The following RELB variants were observed in gnomAD, a reference collection of about 807,000 sequenced individuals.
RELB encodes transcription factor RelB.
Under a neutral mutation model 55.4 loss-of-function variants are expected in RELB, and 14 were observed. The observed-to-expected ratio is 0.25, with a 90% CI of 0.17 to 0.40. RELB has a LOEUF of 0.40. Among genes scored for constraint, RELB ranks in the 10% least tolerant of loss-of-function variants. The probability of loss-of-function intolerance (pLI) is 1.00; values close to 1 mark genes in which losing one functional copy is unlikely to be tolerated. For missense variants in RELB, 669 were observed against 830.7 expected, an observed-to-expected ratio of 0.81 and a Z score of 2.39; for synonymous variants, 409 against 371.3, an observed-to-expected ratio of 1.10 and a Z score of -1.17.
chr19:45,031,611 T>C (rs1474194979), intron 8 of RELB, among the ~76,000 whole-genome samples: 1 of 152,142 alleles, frequency 6.6e-6, no homozygotes, highest in Non-Finnish European at 1.5e-5. Flanking sequence ...AGTCTTGCTC[T>C]GTCCCCCAGG....
chr19:45,017,464 C>CAAAAAAAAACAAAAAAAAAAAAAA (rs1971434079), intron 4 of RELB, among the ~76,000 whole-genome samples: 3 of 57,600 alleles, frequency 5.2e-5, no homozygotes, highest in African/African-American at 2.4e-4. Flanking sequence ...AAAAAAAAAA[C>CAAAAAAAAACAAAAAAAAAAAAAA]AATTCTGGAA....
intron 7 of RELB, among the ~76,000 whole-genome samples, 189 bp downstream of exon 7, chr19:45,025,926 C>G (rs1177149233): frequency 6.6e-6 from 1 of 151,720 alleles, no homozygotes. Flanking sequence ...TGGCAAAACC[C>G]TGTCTCTATA....
At chr19:45,006,008 C>A (rs1378775875) in intron 2 of RELB, among the ~76,000 whole-genome samples, 1 of 152,230 alleles carries the variant, frequency 6.6e-6, no homozygotes, top group African/African-American at 2.4e-5. Flanking sequence ...CTGTTCTGTA[C>A]CTGGCCTTGT....
chr19:45,022,006 G>T (rs771911144), intron 4 of RELB, 47 bp from the exon 5 acceptor site: 8 of 1,552,440 alleles, frequency 5.2e-6, no homozygotes, highest in South Asian at 3.6e-5. Flanking sequence ...TTGGATGGAC[G>T]CAGGCATCGG....
intron 8 of RELB, among the ~76,000 whole-genome samples, chr19:45,029,416 T>C (rs924895529): frequency 6.6e-6 from 1 of 151,946 alleles, no homozygotes; most frequent in Non-Finnish European, 1.5e-5. Context: ...AAACAGGCTT[T>C]TAAAAAAAAA....
Position 45,022,179 on chromosome 19 carries a change from C to G in RELB, c.631C>G (p.Arg211Gly), listed in dbSNP as rs766811201. The G allele has an allele frequency of 1.7e-5, 28 of 1,608,468 alleles. No individual in the cohort carries two copies. The highest frequency in any genetic ancestry group is 2.3e-5 in the Non-Finnish European group (27 of 1,178,612). ...KDCTDGICRV[R>G]LRPHVSPRHS... ...CTGCACCGACGGCATCTGCAGGGTG[C>G]GGCTCCGGCCTCACGTCAGCCCCCG... Residue 211 changes from arginine to glycine, a missense_variant, in exon 5 of 12, where the codon CGG becomes GGG. Coordinates refer to ENST00000221452, the MANE Select transcript of RELB (RefSeq NM_006509.4).
At chr19:45,021,399 G>A (rs899177651) in intron 4 of RELB, among the ~76,000 whole-genome samples, 3 of 146,984 alleles carry the variant, frequency 2.0e-5, no homozygotes, top group African/African-American at 7.6e-5. Flanking sequence ...GCGTGAACCC[G>A]CAGGCAGAGC....
intron 5 of RELB, among the ~76,000 whole-genome samples, chr19:45,022,964 A>G (rs544529190): frequency 2.6e-5 from 4 of 152,176 alleles, no homozygotes; most frequent in Non-Finnish European, 4.4e-5. Flanking sequence ...TCATAGTGCA[A>G]AGAGACAGAA....
chr19:45,016,445 G>A (rs1487694668), intron 4 of RELB, among the ~76,000 whole-genome samples: 1 of 152,122 alleles, frequency 6.6e-6, no homozygotes, highest in Non-Finnish European at 1.5e-5. Context: ...TGTTAATGCC[G>A]TGGCCACAAA....
At chr19:45,006,882 G>A (rs1426997946) in intron 2 of RELB, among the ~76,000 whole-genome samples, 1 of 150,984 alleles carries the variant, frequency 6.6e-6, no homozygotes, top group Non-Finnish European at 1.5e-5. Context: ...TTGAACCTGC[G>A]AGGCGGAGGT....
In RELB at chr19:45,025,798, G is replaced by T; in HGVS notation, c.886+61G>T. The T allele has an allele frequency of 1.9e-6, 3 of 1,602,080 alleles. No homozygotes were observed. In the South Asian group the frequency reaches 3.3e-5, roughly 18 times the overall value. Reference sequence around the variant, plus strand: ...TTGGCTGCAGGTGTCAGAATGTCCCGCTTACAGAGGCATGAATGGCTCAGG... The same window carrying T: ...TTGGCTGCAGGTGTCAGAATGTCCCTCTTACAGAGGCATGAATGGCTCAGG... On this transcript the variant is annotated intron_variant, in intron 7 of 11. Coordinates refer to ENST00000221452, the MANE Select transcript of RELB (RefSeq NM_006509.4).
chr19:45,035,901 C>T (rs139234043), intron 11 of RELB, among the ~76,000 whole-genome samples: 117 of 152,232 alleles, frequency 7.7e-4, no homozygotes, highest in Middle Eastern at 3.4e-3. Flanking sequence ...ATCGAGAGAC[C>T]GAGGCTTCTG....
intron 11 of RELB, among the ~76,000 whole-genome samples, chr19:45,034,783 A>T (rs1404270119): frequency 6.6e-6 from 1 of 152,030 alleles, no homozygotes; most frequent in Non-Finnish European, 1.5e-5. Context: ...GACTCCTTTG[A>T]AAAGGCCCAG....
chr19:45,028,865 T>G (rs1369893126), intron 7 of RELB, 23 bp from the exon 8 acceptor site: 2 of 1,555,498 alleles, frequency 1.3e-6, no homozygotes, highest in Non-Finnish European at 1.7e-6. Flanking sequence ...TTTAATACAC[T>G]TCTTCCTCTT....
At chr19:45,031,102 A>G (rs148624141) in intron 8 of RELB, among the ~76,000 whole-genome samples, 3,479 of 152,302 alleles carry the variant, frequency 0.023, 49 homozygotes, top group Middle Eastern at 0.037. Context: ...CGGGCGATGC[A>G]GTAAGACAAG....
Position 45,018,718 on chromosome 19 carries a change from C to A in RELB, c.505-3335C>A, listed in dbSNP as rs183921772. Among the ~76,000 whole-genome samples, 816 of 150,070 alleles carry A rather than the reference C, an allele frequency of 5.4e-3. 14 individuals carry two copies. The highest frequency in any genetic ancestry group is 0.018 in the African/African-American group (753 of 40,818). On this transcript the variant is annotated intron_variant, in intron 4 of 11. Coordinates refer to ENST00000221452, the MANE Select transcript of RELB (RefSeq NM_006509.4). ...TGAGACAGAGTTTCGCTCTTGTTGCCCAGGCTGTAGTGCAATGGCGCGATC... is the reference window on the plus strand; with the variant it reads ...TGAGACAGAGTTTCGCTCTTGTTGCACAGGCTGTAGTGCAATGGCGCGATC...
intron 8 of RELB, among the ~76,000 whole-genome samples, chr19:45,030,403 G>A (rs960374912): frequency 6.6e-6 from 1 of 152,154 alleles, no homozygotes; most frequent in African/African-American, 2.4e-5. Flanking sequence ...AGGCCAAGGT[G>A]GGCGAATCAC....
intron 4 of RELB, among the ~76,000 whole-genome samples, chr19:45,014,123 A>G (rs1386309906): frequency 1.3e-5 from 2 of 150,750 alleles, no homozygotes; most frequent in African/African-American, 2.4e-5. Flanking sequence ...ACTGAGATGT[A>G]TCATCCCATG....
intron 8 of RELB, among the ~76,000 whole-genome samples, chr19:45,030,444 C>T (rs1005921825): frequency 6.6e-6 from 1 of 152,146 alleles, no homozygotes. Context: ...CCAGCATGGC[C>T]AACATGGTGA....
Sources: allele counts gnomAD v4.1 joint callset (sites outside exome capture counted in the v4.1 genomes callset), GRCh38; gene constraint gnomAD v4.1.1; transcripts MANE v1.5; gene names NCBI Gene and HGNC (gene_info 2026-07-23, HGNC 2026-07-21).